The following GRIP1 variants were observed in gnomAD, a reference collection of about 807,000 sequenced individuals.
GRIP1 encodes glutamate receptor-interacting protein 1.
A neutral mutation model predicts 129.9 loss-of-function variants in GRIP1; 45 were observed. The observed-to-expected ratio is 0.35, with a 90% CI of 0.27 to 0.44. The LOEUF is 0.44. Among genes scored for constraint, GRIP1 ranks in the 20% least tolerant of loss-of-function variants. GRIP1 has a pLI of 1.00. For missense variants in GRIP1, 1,196 were observed against 1,396.8 expected, an observed-to-expected ratio of 0.86 and a Z score of 2.29; for synonymous variants, 530 against 520.8, an observed-to-expected ratio of 1.02 and a Z score of -0.24.
chr12:66,474,390 C>T (rs543754551), intron 7 of GRIP1, among the ~76,000 whole-genome samples: 1 of 152,194 alleles, frequency 6.6e-6, no homozygotes, highest in South Asian at 2.1e-4. Flanking sequence ...TGGAACTGAG[C>T]TGGAAAACAC....
intron 1 of GRIP1, among the ~76,000 whole-genome samples, chr12:66,907,222 G>A (rs1306713971): frequency 1.3e-5 from 2 of 152,190 alleles, no homozygotes; most frequent in African/African-American, 4.8e-5. Context: ...ATTTTTGCTA[G>A]TGGGGAGGAG....
chr12:66,928,324 C>T (rs972212119), intron 1 of GRIP1, among the ~76,000 whole-genome samples: 1 of 152,142 alleles, frequency 6.6e-6, no homozygotes, highest in Non-Finnish European at 1.5e-5. Context: ...AGTAAAGCAT[C>T]TGTGATTATT....
chr12:66,655,606 C>CTTTTTT (rs1173143521), intron 1 of GRIP1, among the ~76,000 whole-genome samples: 1 of 118,042 alleles, frequency 8.5e-6, no homozygotes, highest in African/African-American at 3.2e-5. Flanking sequence ...TTTTTTTGTA[C>CTTTTTT]TTTTTTTTTT....
intron 1 of GRIP1, among the ~76,000 whole-genome samples, chr12:66,615,634 T>A (rs753458072): frequency 1.3e-5 from 2 of 152,196 alleles, no homozygotes; most frequent in African/African-American, 2.4e-5. Flanking sequence ...TGGCAAACTT[T>A]TAAAAAAATT....
chr12:66,456,641 C>A (rs932388286), intron 9 of GRIP1, among the ~76,000 whole-genome samples: 17 of 145,930 alleles, frequency 1.2e-4, no homozygotes. Flanking sequence ...CAGTGCTTTG[C>A]AGCTGAGATT....
intron 1 of GRIP1, among the ~76,000 whole-genome samples, chr12:66,838,180 C>A (rs1414591983): frequency 1.1e-5 from 1 of 89,764 alleles, no homozygotes; most frequent in Admixed American, 1.2e-4. Context: ...CAGAGAAAGA[C>A]TCCACCTAAA....
chr12:66,831,588 C>T (rs1192036160), intron 1 of GRIP1, among the ~76,000 whole-genome samples: 2 of 152,150 alleles, frequency 1.3e-5, no homozygotes, highest in Non-Finnish European at 2.9e-5. Flanking sequence ...ATTTCATCTT[C>T]CATTTACAGA....
intron 16 of GRIP1, among the ~76,000 whole-genome samples, chr12:66,400,820 A>G (rs73121692): frequency 8.1e-4 from 123 of 152,312 alleles, no homozygotes; most frequent in Non-Finnish European, 1.6e-3. Context: ...CTCTTCCTAC[A>G]AATCCCCAAA....
intron 1 of GRIP1, among the ~76,000 whole-genome samples, chr12:66,898,669 T>C (rs1592938241): frequency 1.3e-5 from 2 of 152,204 alleles, no homozygotes; most frequent in East Asian, 3.9e-4. Context: ...TTCTTAATTT[T>C]AATAAAAGCT....
chr12:66,651,519 T>C (rs1355847084), intron 1 of GRIP1, among the ~76,000 whole-genome samples: 1 of 152,220 alleles, frequency 6.6e-6, no homozygotes, highest in African/African-American at 2.4e-5. Context: ...ATTGTTGTTC[T>C]TTTAACGTGG....
At chr12:66,731,231 G>A (rs2036426911) in intron 1 of GRIP1, among the ~76,000 whole-genome samples, 1 of 152,122 alleles carries the variant, frequency 6.6e-6, no homozygotes, top group Admixed American at 6.6e-5. Flanking sequence ...AAGAAAAGAA[G>A]TCTTTGTTAT....
intron 1 of GRIP1, among the ~76,000 whole-genome samples, chr12:66,747,402 T>G (rs1180427871): frequency 6.6e-6 from 1 of 152,146 alleles, no homozygotes; most frequent in African/African-American, 2.4e-5. Context: ...GCTTCTAAAA[T>G]CAAGCAAGCT....
chr12:66,809,501 G>A (rs2039061456), intron 1 of GRIP1, among the ~76,000 whole-genome samples: 2 of 152,092 alleles, frequency 1.3e-5, no homozygotes, highest in Non-Finnish European at 2.9e-5. Context: ...TACTGAGGAT[G>A]AGAATGGGAA....
intron 1 of GRIP1, among the ~76,000 whole-genome samples, chr12:66,993,952 T>C (rs1170469236): frequency 2.6e-5 from 4 of 152,082 alleles, no homozygotes; most frequent in African/African-American, 9.7e-5. Flanking sequence ...CTACCAAAAC[T>C]GATCCAAGAA....
chr12:66,570,779 A>G (rs12321492), intron 2 of GRIP1, among the ~76,000 whole-genome samples: 2,707 of 151,914 alleles, frequency 0.018, 78 homozygotes, highest in African/African-American at 0.062. Context: ...TTCTTAAAGA[A>G]CTCCCTCCCC....
intron 1 of GRIP1, among the ~76,000 whole-genome samples, chr12:66,773,373 A>T (rs2037880442): frequency 6.6e-6 from 1 of 152,198 alleles, no homozygotes; most frequent in East Asian, 1.9e-4. Context: ...GATGGGTCAA[A>T]TGGTATTTCT....
Position 66,722,285 on chromosome 12 carries a change from G to C in GRIP1, c.-420+81768C>G, listed in dbSNP as rs138418607. On this transcript the variant is annotated intron_variant, in intron 1 of 4. Coordinates refer to the GRIP1 transcript ENST00000538373. Reference sequence around the variant, plus strand: ...AACCCTGCATTCAGTTGAACACTTAGAGGTCATTGCAGGATTATTAATTGA... The same window carrying C: ...AACCCTGCATTCAGTTGAACACTTACAGGTCATTGCAGGATTATTAATTGA... Among the ~76,000 whole-genome samples the C allele has an allele frequency of 1.9e-3, 286 of 152,252 alleles. 1 individual carries two copies. The highest frequency in any genetic ancestry group is 6.6e-3 in the African/African-American group (276 of 41,544).
chr12:66,518,419 CA>C (rs76819452), intron 5 of GRIP1, among the ~76,000 whole-genome samples: 48,380 of 147,436 alleles, frequency 0.33, 8,131 homozygotes, highest in South Asian at 0.46. Context: ...AAAAGAAAGC[CA>C]AAAAAAAAAA....
Position 66,371,916 on chromosome 12 carries a change from C to T in GRIP1, c.2790G>A (p.Met930Ile). The stretch of plus-strand genomic sequence containing the variant: ...GATTCAAACTCATCGTGCTCCCCGA[C>T]ATGATTGTTGCCTGTGGCATTGACA... Reference protein sequence around the residue: ...LRNMTLLATIMSGSTMSLNHE... With the variant: ...LRNMTLLATIISGSTMSLNHE... Residue 930 changes from methionine (M) to isoleucine (I), a missense_variant, in exon 23 of 25, where the codon ATG becomes ATA. Physicochemically the swap from Met to Ile is conservative, Grantham distance 10. This residue lies in a region of GRIP1 where 427 missense variants were observed against 463.3 expected (regional missense o/e 0.92). Transcript: ENST00000359742. The T allele has an allele frequency of 1.2e-6, 2 of 1,608,722 alleles. No individual in the cohort carries two copies. The highest frequency in any genetic ancestry group is 1.7e-6 in the Non-Finnish European group (2 of 1,177,328).
Sources: allele counts gnomAD v4.1 joint callset (sites outside exome capture counted in the v4.1 genomes callset), GRCh38; gene constraint gnomAD v4.1.1; regional missense constraint gnomAD v4.1.1; transcripts MANE v1.5; gene names NCBI Gene and HGNC (gene_info 2026-07-23, HGNC 2026-07-21).